Variants in ENOX2 observed in about 807,000 individuals in gnomAD.
ENOX2 encodes ecto-NOX disulfide-thiol exchanger 2.
In ENOX2, 36 loss-of-function variants were observed where a neutral mutation model predicts 45.0. The ratio of observed to expected loss-of-function variants is 0.80; its 90% CI spans 0.61 to 1.06. The LOEUF (loss-of-function observed/expected upper bound fraction) is 1.06, where lower values mean the gene tolerates loss of function less well. Ranked by LOEUF, ENOX2 falls within the 50% of genes least tolerant of loss-of-function variation. The probability of loss-of-function intolerance (pLI) is 0.00; values close to 1 mark genes in which losing one functional copy is unlikely to be tolerated. For missense variants in ENOX2, 423 were observed against 462.5 expected, an observed-to-expected ratio of 0.91 and a Z score of 0.78; for synonymous variants, 174 against 152.3, an observed-to-expected ratio of 1.14 and a Z score of -1.05.
intron 10 of ENOX2, among the ~76,000 whole-genome samples, chrX:130,651,193 C>T (rs1230964748): frequency 3.6e-5 from 4 of 112,053 alleles, no homozygotes; most frequent in Non-Finnish European, 7.5e-5. Flanking sequence ...CCTGACCTCA[C>T]AATGCCTTGC....
chrX:130,636,271 T>C (rs946861010), intron 11 of ENOX2, among the ~76,000 whole-genome samples: 2 of 112,382 alleles, frequency 1.8e-5, no homozygotes, highest in East Asian at 5.6e-4. Context: ...AAAGGTGAAA[T>C]ATTAATGTCA....
intron 12 of ENOX2, among the ~76,000 whole-genome samples, chrX:130,634,209 T>C (rs1451485659): frequency 1.8e-5 from 2 of 112,117 alleles, no homozygotes; most frequent in Non-Finnish European, 3.8e-5. Context: ...AAGCTCCTAA[T>C]CTTCTCTTCC....
intron 2 of ENOX2, among the ~76,000 whole-genome samples, chrX:130,786,312 A>C (rs2148402149): frequency 8.9e-6 from 1 of 112,611 alleles, no homozygotes; most frequent in Admixed American, 9.3e-5. Flanking sequence ...ACTATACTAC[A>C]GAATGGTAAA....
At chrX:130,651,923 AT>A (rs2036411804) in intron 10 of ENOX2, among the ~76,000 whole-genome samples, 1 of 110,719 alleles carries the variant, frequency 9.0e-6, no homozygotes, top group South Asian at 3.9e-4. Flanking sequence ...GTATTCTTTT[AT>A]TTTCTAGCAT....
intron 2 of ENOX2, among the ~76,000 whole-genome samples, chrX:130,818,230 C>A: frequency 1.8e-5 from 2 of 111,591 alleles, no homozygotes; most frequent in Non-Finnish European, 3.8e-5. Context: ...CTACAAACCA[C>A]TGCTCAAGCA....
intron 4 of ENOX2, among the ~76,000 whole-genome samples, chrX:130,700,538 T>C (rs1339605186): frequency 2.7e-5 from 3 of 112,189 alleles, no homozygotes; most frequent in Non-Finnish European, 5.6e-5. Flanking sequence ...AGAACGCTCA[T>C]TAGCATATTA....
chrX:130,840,252 G>A (rs1193224251), intron 2 of ENOX2, among the ~76,000 whole-genome samples: 1 of 111,322 alleles, frequency 9.0e-6, no homozygotes, highest in African/African-American at 3.3e-5. Context: ...TTTAGATGAA[G>A]TACAGATACA....
At chrX:130,857,316 A>G (rs910855429) in intron 2 of ENOX2, among the ~76,000 whole-genome samples, 1 of 112,395 alleles carries the variant, frequency 8.9e-6, no homozygotes, top group African/African-American at 3.2e-5. Context: ...CTGGAGATTG[A>G]CTGGAAACAG....
intron 10 of ENOX2, among the ~76,000 whole-genome samples, chrX:130,647,565 C>A (rs1484709335): frequency 8.9e-6 from 1 of 112,162 alleles, no homozygotes; most frequent in African/African-American, 3.2e-5. Context: ...GATTCAAGGT[C>A]TAGCATATTT....
intron 5 of ENOX2, among the ~76,000 whole-genome samples, chrX:130,688,175 A>G (rs1193816978): frequency 1.8e-5 from 2 of 112,094 alleles, no homozygotes; most frequent in African/African-American, 6.5e-5. Flanking sequence ...GTGCATCTGG[A>G]AAAAAAGTTT....
intron 2 of ENOX2, among the ~76,000 whole-genome samples, chrX:130,821,950 C>G (rs2077621418): frequency 9.6e-6 from 1 of 104,614 alleles, no homozygotes; most frequent in Non-Finnish European, 2.0e-5. Context: ...ATCTGTAGTC[C>G]CAGCTACTCA....
At chrX:130,680,888 G>C (rs769483579) in intron 5 of ENOX2, among the ~76,000 whole-genome samples, 1 of 112,302 alleles carries the variant, frequency 8.9e-6, no homozygotes, top group East Asian at 2.8e-4. Flanking sequence ...GAGCCTCCTT[G>C]GGTATCAGGA....
In ENOX2 at chrX:130,624,565, T is replaced by G. The variant is rs1881633299; in HGVS notation, c.*749A>C. On this transcript the variant is annotated 3_prime_UTR_variant, in exon 15 of 15. Coordinates refer to ENST00000394363, the MANE Select transcript of ENOX2 (RefSeq NM_006375.4). ...CACAGAAAACTGAACATGCCCTCCT[T>G]TAAAAGCAGACTATTTACAAGTGAT... 1 of 112,721 alleles carries G rather than the reference T, an allele frequency of 8.9e-6. No homozygotes were observed. Among genetic ancestry groups the G allele is most frequent in the African/African-American group, 3.2e-5 (1 of 30,922 alleles). 9.3% of individuals were successfully genotyped at this position (112,721 alleles called of 1,213,427 possible).
At chrX:130,698,475 T>C (rs1027890963) in intron 4 of ENOX2, among the ~76,000 whole-genome samples, 1 of 110,557 alleles carries the variant, frequency 9.0e-6, no homozygotes, top group African/African-American at 3.3e-5. Flanking sequence ...GTACCATCAG[T>C]AGGTAGAATT....
intron 5 of ENOX2, among the ~76,000 whole-genome samples, chrX:130,684,203 G>A (rs778588432): frequency 4.3e-4 from 48 of 112,498 alleles, no homozygotes; most frequent in African/African-American, 1.3e-3. Flanking sequence ...TTTTAATGTA[G>A]AGAATCATAA....
intron 3 of ENOX2, among the ~76,000 whole-genome samples, chrX:130,771,529 G>A (rs1401671391): frequency 9.0e-6 from 1 of 111,527 alleles, no homozygotes; most frequent in South Asian, 3.8e-4. Context: ...TATTAGTTCC[G>A]AATGATAAAC....
At chrX:130,727,501 T>A (rs150232462) in intron 3 of ENOX2, among the ~76,000 whole-genome samples, 123 of 112,525 alleles carry the variant, frequency 1.1e-3, no homozygotes, top group African/African-American at 3.7e-3. Context: ...AGTGGTAGAA[T>A]GAGAATTCTA....
intron 3 of ENOX2, among the ~76,000 whole-genome samples, chrX:130,706,973 T>A (rs770193514): frequency 1.6e-4 from 18 of 112,552 alleles, no homozygotes; most frequent in Non-Finnish European, 3.2e-4. Flanking sequence ...GATGATCACC[T>A]CTGGCAGTAA....
intron 2 of ENOX2, among the ~76,000 whole-genome samples, chrX:130,822,149 G>C (rs997466100): frequency 3.6e-5 from 4 of 109,667 alleles, no homozygotes; most frequent in Non-Finnish European, 7.6e-5. Flanking sequence ...GAGCATTTCA[G>C]GCCAGACGGA....
Sources: gnomAD v4.1 joint callset for allele counts (sites outside exome capture counted in the v4.1 genomes callset) on GRCh38, gnomAD v4.1.1 for gene constraint, MANE v1.5 for transcripts, NCBI Gene and HGNC (gene_info 2026-07-23, HGNC 2026-07-21) for gene names.